The following GP6 variants were observed in gnomAD, a reference collection of about 807,000 sequenced individuals.
The protein encoded by GP6 is platelet glycoprotein VI.
Under a neutral mutation model 37.3 loss-of-function variants are expected in GP6, and 45 were observed. The ratio of observed to expected loss-of-function variants is 1.21; its 90% CI spans 0.95 to 1.55. GP6 has a LOEUF of 1.55. Ranked by LOEUF, GP6 falls within the 40% of genes most tolerant of loss-of-function variation. The pLI is 0.00. For missense variants in GP6, 813 were observed against 760.2 expected (o/e 1.07, Z -0.82); for synonymous variants, 340 against 316.4 (o/e 1.07, Z -0.79).
chr19:55,018,764 G>A (rs2073968262), intron 5 of GP6, 53 bp from the exon 6 acceptor site: 1 of 1,161,006 alleles, frequency 8.6e-7, no homozygotes. Context: ...ATATCCTCTA[G>A]ATATCTCCAT....
At chr19:55,022,258 CT>C (rs1164515167) in intron 5 of GP6, among the ~76,000 whole-genome samples, 6 of 152,156 alleles carry the variant, frequency 3.9e-5, no homozygotes, top group African/African-American at 7.2e-5. Flanking sequence ...CCTAGATTTT[CT>C]TCTAGGGTTT....
intron 5 of GP6, among the ~76,000 whole-genome samples, chr19:55,019,748 G>A (rs541394220): frequency 6.7e-6 from 1 of 149,696 alleles, no homozygotes; most frequent in South Asian, 2.1e-4. Context: ...TGCAATCTCG[G>A]CTCACTGCAA....
intron 1 of GP6, among the ~76,000 whole-genome samples, chr19:55,033,418 C>T (rs981801078): frequency 1.2e-5 from 1 of 83,048 alleles, no homozygotes; most frequent in Non-Finnish European, 2.2e-5. Context: ...TGGGCTCGTT[C>T]GTGTTAGACG....
rs539759353 is a variant in GP6, at chr19:55,034,516, A to C, written c.35-1978T>G. Among the ~76,000 whole-genome samples the C allele has an allele frequency of 1.6e-3, 244 of 151,898 alleles. 2 individuals carry two copies. The highest frequency in any genetic ancestry group is 5.7e-3 in the African/African-American group (238 of 41,414). On this transcript the variant is annotated intron_variant, in intron 1 of 7. Transcript: ENST00000310373. ...GGTTGCAGTGAGCCAAGATCACGCCACTACACTCCAGCCTGGGCAACAGAG... is the reference window on the plus strand; with the variant it reads ...GGTTGCAGTGAGCCAAGATCACGCCCCTACACTCCAGCCTGGGCAACAGAG...
rs149570465 is a variant in GP6 at position 55,013,834 on chromosome 19, A to G, written c.*248T>C. ...GCCTCCCACAGTGCTAGGATTACAG[A>G]CATGATCCACTGCACTTGGCCCAGT... On this transcript the variant is annotated 3_prime_UTR_variant, in exon 8 of 8. Coordinates refer to ENST00000310373, the MANE Select transcript of GP6 (RefSeq NM_001083899.2). 3.8e-3 allele frequency: 1,314 copies of G among 344,496 alleles called. 13 individuals are homozygous for G. Among genetic ancestry groups the G allele is most frequent in the African/African-American group, 0.026 (1,229 of 46,690 alleles). The allele number at this position is 344,496 out of a possible 1,614,324, so 21.3% of individuals were successfully genotyped here.
chr19:55,036,031 C>G (rs2146919489), intron 1 of GP6, among the ~76,000 whole-genome samples: 1 of 151,266 alleles, frequency 6.6e-6, no homozygotes, highest in Middle Eastern at 3.4e-3. Flanking sequence ...CGAGATCACA[C>G]CACTGCACTC....
At chr19:55,024,429 T>C (rs2074228280) in intron 5 of GP6, among the ~76,000 whole-genome samples, 1 of 151,268 alleles carries the variant, frequency 6.6e-6, no homozygotes, top group South Asian at 2.1e-4. Flanking sequence ...GCCCTCACTC[T>C]GCCCTCAACC....
chr19:55,021,002 A>G (rs2074056217), intron 5 of GP6, among the ~76,000 whole-genome samples: 1 of 145,528 alleles, frequency 6.9e-6, no homozygotes, highest in Non-Finnish European at 1.5e-5. Flanking sequence ...CAGTGAGCCG[A>G]GATCATGCCC....
At chr19:55,032,910 G>A (rs1251475866) in intron 1 of GP6, 21 of 379,420 alleles carry the variant, frequency 5.5e-5, no homozygotes, top group African/African-American at 3.8e-4. Flanking sequence ...TGTTAGACAC[G>A]GTGGGCTCGT....
At chr19:55,017,511 T>TCTCC in intron 6 of GP6, among the ~76,000 whole-genome samples, 1 of 151,996 alleles carries the variant, frequency 6.6e-6, no homozygotes, top group Non-Finnish European at 1.5e-5. Context: ...GAGGAATTGA[T>TCTCC]GCCATGGGGA....
rs1269927930 is a variant in GP6, at chr19:55,032,202, A to G, written c.262T>C (p.Cys88Arg). The change falls in exon 3 of 8, where the codon TGC becomes CGC. Residue 88 changes from cysteine to arginine, a missense_variant. Cys to Arg is a radical substitution (Grantham distance 180, BLOSUM62 -3). Coordinates refer to ENST00000310373, the MANE Select transcript of GP6 (RefSeq NM_001083899.2). The stretch of plus-strand genomic sequence containing the variant: ...CAGAGGCTTCCGTTCTGGTAGGAGC[A>G]GCGGTAGCGTCCAGCCAGACTTCTC... The G allele has an allele frequency of 3.7e-6, 6 of 1,613,920 alleles. No individual in the cohort carries two copies. Among genetic ancestry groups the G allele is most frequent in the South Asian group, 2.2e-5 (2 of 91,086 alleles).
chr19:55,017,924 C>T (rs2073935081), intron 6 of GP6, among the ~76,000 whole-genome samples: 1 of 151,926 alleles, frequency 6.6e-6, no homozygotes, highest in East Asian at 1.9e-4. Flanking sequence ...AAAAATTAGC[C>T]AGGTGTGGTG....
intron 5 of GP6, among the ~76,000 whole-genome samples, chr19:55,024,341 C>CAT (rs1172787604): frequency 5.7e-5 from 1 of 17,420 alleles, no homozygotes. Context: ...CACGCACACA[C>CAT]GCACATGCAC....
intron 5 of GP6, among the ~76,000 whole-genome samples, chr19:55,021,550 T>C (rs1234323846): frequency 7.3e-6 from 1 of 136,634 alleles, no homozygotes; most frequent in African/African-American, 2.7e-5. Flanking sequence ...AGATGGAGTC[T>C]TGCTCTGTCG....
intron 3 of GP6, among the ~76,000 whole-genome samples, chr19:55,030,063 T>C (rs2074502343): frequency 6.6e-6 from 1 of 152,110 alleles, no homozygotes; most frequent in Admixed American, 6.5e-5. Flanking sequence ...ATTTGAAGAG[T>C]AGGTCGTTAA....
chr19:55,031,312 C>T lies in GP6; in HGVS notation c.325+827G>A, dbSNP rs1671202. Among the ~76,000 whole-genome samples the T allele has an allele frequency of 4.7e-3, 710 of 152,250 alleles. 8 individuals are homozygous for T. The highest frequency in any genetic ancestry group is 0.016 in the African/African-American group (674 of 41,544). ...CGAGCCAAGCACGGTGGCCCGTGACCGTAGTCCCTGCTACTCATGAGGCTG... is the reference window on the plus strand; with the variant it reads ...CGAGCCAAGCACGGTGGCCCGTGACTGTAGTCCCTGCTACTCATGAGGCTG... On this transcript the variant is annotated intron_variant, in intron 3 of 7. Transcript: ENST00000310373.
At chr19:55,026,807 A>C (rs1441185702) in intron 4 of GP6, among the ~76,000 whole-genome samples, 1 of 151,492 alleles carries the variant, frequency 6.6e-6, no homozygotes, top group Non-Finnish European at 1.5e-5. Context: ...AATCGCTTGA[A>C]CCCGGAAGGC....
intron 6 of GP6, 52 bp from the exon 7 acceptor site, chr19:55,015,785 T>C (rs751571146): frequency 1.5e-5 from 14 of 936,830 alleles, no homozygotes; most frequent in East Asian, 1.2e-4. Context: ...TCCCGCCCCC[T>C]GTCACTGTGC....
At chr19:55,034,030 T>C (rs2074714067) in intron 1 of GP6, among the ~76,000 whole-genome samples, 1 of 152,168 alleles carries the variant, frequency 6.6e-6, no homozygotes, top group Admixed American at 6.5e-5. Flanking sequence ...ATCTGATTAC[T>C]ATATGTATAT....
Sources: allele counts gnomAD v4.1 joint callset (sites outside exome capture counted in the v4.1 genomes callset), GRCh38; gene constraint gnomAD v4.1.1; transcripts MANE v1.5; gene names NCBI Gene and HGNC (gene_info 2026-07-23, HGNC 2026-07-21).